NR2C2: variants seen among roughly 807,000 people sequenced by gnomAD.
NR2C2 encodes the protein nuclear receptor subfamily 2 group C member 2, also known as Nuclear hormone receptor TR4.
A neutral mutation model predicts 62.9 loss-of-function variants in NR2C2; 6 were observed. The ratio of observed to expected loss-of-function variants is 0.10; its 90% CI spans 0.05 to 0.19. The LOEUF is 0.19. Ranked by LOEUF, NR2C2 falls within the 10% of genes least tolerant of loss-of-function variation. NR2C2 has a pLI of 1.00. For synonymous variants in NR2C2, 272 were observed against 273.8 expected (o/e 0.99, Z 0.07); for missense variants, 479 against 762.7 (o/e 0.63, Z 4.38).
At chr3:14,995,441 CTT>C (rs1253587801) in intron 1 of NR2C2, among the ~76,000 whole-genome samples, 2 of 151,606 alleles carry the variant, frequency 1.3e-5, no homozygotes, top group Non-Finnish European at 2.9e-5. Context: ...ATCATATAGT[CTT>C]TTGTGACTGG....
chr3:15,022,403 T>C (rs866849777), intron 5 of NR2C2, among the ~76,000 whole-genome samples: 3,467 of 140,746 alleles, frequency 0.025, 48 homozygotes, highest in Non-Finnish European at 0.038. Flanking sequence ...TCTTTCTTTT[T>C]TTTTTTTTTT....
intron 1 of NR2C2, among the ~76,000 whole-genome samples, chr3:14,952,906 A>AACAGCTCAACTAGC: frequency 6.6e-6 from 1 of 152,342 alleles, no homozygotes; most frequent in Non-Finnish European, 1.5e-5. Flanking sequence ...GCCCAAGAAC[A>AACAGCTCAACTAGC]ACAGCTCAAC....
intron 13 of NR2C2, chr3:15,042,556 T>TG: frequency 3.1e-6 from 1 of 324,044 alleles, no homozygotes; most frequent in Non-Finnish European, 5.6e-6. Flanking sequence ...CCTCTGTTGA[T>TG]GAATTTCCAG....
chr3:15,024,613 C>CT (rs2041770821), intron 7 of NR2C2, among the ~76,000 whole-genome samples: 1 of 152,220 alleles, frequency 6.6e-6, no homozygotes, highest in Non-Finnish European at 1.5e-5. Context: ...AGCCAGGAAT[C>CT]TATCAGTTCC....
chr3:15,029,989 C>A (rs954814625), intron 8 of NR2C2, among the ~76,000 whole-genome samples: 2 of 152,004 alleles, frequency 1.3e-5, no homozygotes, highest in Non-Finnish European at 2.9e-5. Context: ...TTAGATAATA[C>A]ATAGCTCAGT....
At chr3:15,001,739 A>G (rs1331855499) in intron 1 of NR2C2, among the ~76,000 whole-genome samples, 1 of 151,858 alleles carries the variant, frequency 6.6e-6, no homozygotes, top group African/African-American at 2.4e-5. Context: ...ACCTTAACCT[A>G]CTGAGTACCC....
At chr3:14,978,304 C>T (rs1170189868) in intron 1 of NR2C2, among the ~76,000 whole-genome samples, 5 of 152,154 alleles carry the variant, frequency 3.3e-5, no homozygotes, top group African/African-American at 9.7e-5. Flanking sequence ...GTCGAACATA[C>T]CTTAAACATG....
chr3:15,029,506 A>T (rs2041910314), intron 8 of NR2C2, among the ~76,000 whole-genome samples: 1 of 152,206 alleles, frequency 6.6e-6, no homozygotes, highest in Non-Finnish European at 1.5e-5. Flanking sequence ...AGATCTAGGT[A>T]CCGTGGAAAG....
At chr3:15,000,891 T>C (rs1043275674) in intron 1 of NR2C2, among the ~76,000 whole-genome samples, 1 of 149,794 alleles carries the variant, frequency 6.7e-6, no homozygotes, top group Non-Finnish European at 1.5e-5. Flanking sequence ...GTCGGCTCAC[T>C]GCAAGCTCTG....
intron 1 of NR2C2, among the ~76,000 whole-genome samples, chr3:14,981,931 G>C (rs2040381982): frequency 6.6e-6 from 1 of 152,188 alleles, no homozygotes; most frequent in African/African-American, 2.4e-5. Context: ...TATCCTAGCT[G>C]GGCTGGCAGC....
chr3:14,988,759 A>G (rs764698594), intron 1 of NR2C2, among the ~76,000 whole-genome samples: 47 of 151,894 alleles, frequency 3.1e-4, no homozygotes, highest in Non-Finnish European at 2.9e-4. Flanking sequence ...TCTCTTTTAG[A>G]TAGCGGTGCC....
Position 15,048,670 on chromosome 3 carries a change from C to T in NR2C2, c.*5662C>T, listed in dbSNP as rs951788909. ...ACCATAGCATTCATGGACTCAAATGCTGCTGCCACACACAACTCAAGTGCT... is the reference window on the plus strand; with the variant it reads ...ACCATAGCATTCATGGACTCAAATGTTGCTGCCACACACAACTCAAGTGCT... On this transcript the variant is annotated 3_prime_UTR_variant, in exon 14 of 14. Coordinates refer to ENST00000425241, the MANE Select transcript of NR2C2 (RefSeq NM_001291694.2). The T allele has an allele frequency of 1.3e-5, 2 of 152,610 alleles. No individual in the cohort carries two copies. The highest frequency in any genetic ancestry group is 2.9e-5 in the Non-Finnish European group (2 of 68,036). The allele number at this position is 152,610 out of a possible 1,614,324, so 9.5% of individuals were successfully genotyped here. A position where few individuals can be genotyped will look rare whatever the true frequency, so the allele number is the denominator to read the frequency against.
intron 1 of NR2C2, among the ~76,000 whole-genome samples, chr3:14,993,058 A>G (rs1250165032): frequency 6.6e-6 from 1 of 152,240 alleles, no homozygotes; most frequent in African/African-American, 2.4e-5. Flanking sequence ...GAAAAAATAG[A>G]AAGGAAATGC....
chr3:15,021,806 T>G (rs1327723082), intron 5 of NR2C2, among the ~76,000 whole-genome samples: 2 of 152,224 alleles, frequency 1.3e-5, no homozygotes, highest in Non-Finnish European at 2.9e-5. Context: ...TATTTCAGTA[T>G]TGCTGTTGAC....
intron 10 of NR2C2, 97 bp downstream of exon 10, chr3:15,032,597 G>A: frequency 6.9e-7 from 1 of 1,459,530 alleles, no homozygotes; most frequent in Non-Finnish European, 9.5e-7. Flanking sequence ...TAGTTTGACT[G>A]TTTCTATGAC....
chr3:14,972,613 A>G (rs2125296849), intron 1 of NR2C2, among the ~76,000 whole-genome samples: 1 of 152,328 alleles, frequency 6.6e-6, no homozygotes, highest in African/African-American at 2.4e-5. Context: ...CTGGATATTA[A>G]GCCCTTATTA....
At chr3:14,972,319 C>T (rs1183814849) in intron 1 of NR2C2, among the ~76,000 whole-genome samples, 4 of 151,834 alleles carry the variant, frequency 2.6e-5, no homozygotes, top group African/African-American at 4.8e-5. Flanking sequence ...GGATTACAGG[C>T]GCACACCACC....
chr3:14,954,357 AAC>A (rs1220159778), intron 1 of NR2C2, among the ~76,000 whole-genome samples: 2 of 152,154 alleles, frequency 1.3e-5, no homozygotes, highest in East Asian at 3.8e-4. Context: ...ATAAAAGTAA[AAC>A]AGTTAATTTT....
At position 15,016,184 on chromosome 3, in the gene NR2C2, A is replaced by G. The variant is rs1163708030; in HGVS notation, c.306A>G (p.Leu102=). The G allele has an allele frequency of 6.2e-7, 1 of 1,613,936 alleles. No individual in the cohort carries two copies. The highest frequency in any genetic ancestry group is 1.3e-5 in the African/African-American group (1 of 74,892). The change falls in exon 4 of 14, where the codon TTA becomes TTG. Residue 102 remains leucine (L), a synonymous_variant. Coordinates refer to ENST00000425241, the MANE Select transcript of NR2C2 (RefSeq NM_001291694.2). ...CGGATTCTGCCTCTGTGGAGCGTTT[A>G]CTGGGGAAGACGGACGTCCAGCGGC... ...IVTDSASVER[L]LGKTDVQRPQ... is the part of the protein sequence containing the mutation.
Sources: gnomAD v4.1 joint callset for allele counts (sites outside exome capture counted in the v4.1 genomes callset) on GRCh38, gnomAD v4.1.1 for gene constraint, MANE v1.5 for transcripts, NCBI Gene and HGNC (gene_info 2026-07-23, HGNC 2026-07-21) for gene names.